The following SUPT3H variants were observed in gnomAD, a reference collection of about 807,000 sequenced individuals.
The protein encoded by SUPT3H is transcription initiation protein SPT3 homolog.
In SUPT3H, 44 loss-of-function variants were observed where a neutral mutation model predicts 44.3. That is an observed-to-expected ratio of 0.99 (90% CI 0.78 to 1.28). The LOEUF (loss-of-function observed/expected upper bound fraction) is 1.28. Among genes scored for constraint, SUPT3H ranks in the 50% most tolerant of loss-of-function variants. The pLI, the probability that SUPT3H is intolerant of heterozygous loss-of-function variation, is 0.00. For synonymous variants in SUPT3H, 124 were observed against 125.6 expected (o/e 0.99, Z 0.09); for missense variants, 380 against 387.1 (o/e 0.98, Z 0.15).
intron 10 of SUPT3H, among the ~76,000 whole-genome samples, chr6:44,850,267 A>G (rs1470103446): frequency 6.6e-6 from 1 of 152,242 alleles, no homozygotes; most frequent in African/African-American, 2.4e-5. Flanking sequence ...TAAATAAAAT[A>G]AACAGAAAAT....
intron 9 of SUPT3H, among the ~76,000 whole-genome samples, chr6:44,949,982 T>C (rs1159249151): frequency 6.6e-6 from 1 of 152,214 alleles, no homozygotes; most frequent in East Asian, 1.9e-4. Flanking sequence ...ACTTGTACAG[T>C]AATATTCATA....
At chr6:45,090,133 A>C (rs1031283806) in intron 3 of SUPT3H, among the ~76,000 whole-genome samples, 2 of 152,142 alleles carry the variant, frequency 1.3e-5, no homozygotes, top group African/African-American at 4.8e-5. Context: ...TAAAATAGGC[A>C]TTCCATTCCT....
intron 2 of SUPT3H, among the ~76,000 whole-genome samples, chr6:45,330,506 TA>T (rs1183282651): frequency 1.3e-5 from 2 of 151,942 alleles, no homozygotes; most frequent in Admixed American, 1.3e-4. Flanking sequence ...AAACACATTT[TA>T]AAAACCAGAT....
chr6:45,344,568 C>T (rs934265230), intron 2 of SUPT3H, among the ~76,000 whole-genome samples: 2 of 151,878 alleles, frequency 1.3e-5, no homozygotes, highest in African/African-American at 4.8e-5. Flanking sequence ...AACTGCTTTA[C>T]GATATGCACA....
intron 2 of SUPT3H, among the ~76,000 whole-genome samples, chr6:45,203,437 ACTAT>A (rs1448603891): frequency 1.3e-5 from 2 of 152,092 alleles, no homozygotes; most frequent in Admixed American, 6.6e-5. Context: ...TGTTATTCAG[ACTAT>A]CTCTCATCTG....
At chr6:45,148,147 T>C (rs1011056429) in intron 2 of SUPT3H, among the ~76,000 whole-genome samples, 6 of 152,148 alleles carry the variant, frequency 3.9e-5, no homozygotes, top group South Asian at 2.1e-4. Context: ...CACAAAAACA[T>C]ACATTTTTAA....
chr6:45,043,834 T>C (rs1406733652), intron 3 of SUPT3H, among the ~76,000 whole-genome samples: 2 of 152,136 alleles, frequency 1.3e-5, no homozygotes, highest in Non-Finnish European at 2.9e-5. Flanking sequence ...ATGGTAGAGA[T>C]TGAAATTCAG....
intron 9 of SUPT3H, among the ~76,000 whole-genome samples, chr6:44,941,419 C>G (rs1455703109): frequency 6.3e-5 from 1 of 15,938 alleles, no homozygotes; most frequent in Non-Finnish European, 1.0e-4. Context: ...AAATTTTTGG[C>G]TGACAGTTTT....
intron 3 of SUPT3H, among the ~76,000 whole-genome samples, chr6:45,105,381 C>A (rs561251629): frequency 6.6e-6 from 1 of 152,112 alleles, no homozygotes; most frequent in East Asian, 1.9e-4. Context: ...AGTTACAGAC[C>A]ACTGCAATAA....
intron 2 of SUPT3H, among the ~76,000 whole-genome samples, chr6:45,152,433 T>C (rs1348716347): frequency 2.0e-5 from 3 of 152,152 alleles, no homozygotes; most frequent in Non-Finnish European, 4.4e-5. Context: ...TCTATCTGGT[T>C]GTCTGCTTTC....
chr6:45,356,990 T>G (rs1793320503), intron 2 of SUPT3H, among the ~76,000 whole-genome samples: 1 of 152,132 alleles, frequency 6.6e-6, no homozygotes, highest in South Asian at 2.1e-4. Flanking sequence ...CTCTGATATA[T>G]TTTTAGTAAT....
intron 2 of SUPT3H, among the ~76,000 whole-genome samples, chr6:45,322,143 T>G (rs1375694947): frequency 6.6e-6 from 1 of 151,960 alleles, no homozygotes; most frequent in Non-Finnish European, 1.5e-5. Flanking sequence ...AAGCTAGTTT[T>G]AGAAAACTAG....
intron 10 of SUPT3H, among the ~76,000 whole-genome samples, chr6:44,895,248 A>C (rs1337896615): frequency 8.2e-6 from 1 of 121,268 alleles, no homozygotes; most frequent in Non-Finnish European, 1.6e-5. Context: ...GTCATCACTT[A>C]GTCTTGTTTT....
chr6:44,991,306 C>T (rs1170506805), intron 6 of SUPT3H, among the ~76,000 whole-genome samples: 2 of 151,852 alleles, frequency 1.3e-5, no homozygotes, highest in Non-Finnish European at 2.9e-5. Flanking sequence ...ATATTAAGTG[C>T]CATAGTGGTG....
intron 2 of SUPT3H, among the ~76,000 whole-genome samples, chr6:45,334,241 A>G (rs1788089458): frequency 6.6e-6 from 1 of 151,186 alleles, no homozygotes; most frequent in African/African-American, 2.4e-5. Flanking sequence ...CATTTCAGTT[A>G]CATCGATTTT....
chr6:45,158,201 GAGAT>G (rs3054762), intron 2 of SUPT3H, among the ~76,000 whole-genome samples: 39,806 of 121,614 alleles, frequency 0.33, 6,713 homozygotes, highest in East Asian at 0.38. Context: ...AGAAACCATA[GAGAT>G]AGATAGATAG....
downstream of SUPT3H, among the ~76,000 whole-genome samples, chr6:44,822,786 A>G (rs1767430882): frequency 6.6e-6 from 1 of 152,206 alleles, no homozygotes; most frequent in Admixed American, 6.5e-5. Context: ...AGATTAAACA[A>G]AGATTTTTAA....
intron 10 of SUPT3H, among the ~76,000 whole-genome samples, chr6:44,915,594 C>G (rs1192078898): frequency 6.6e-6 from 1 of 152,108 alleles, no homozygotes; most frequent in African/African-American, 2.4e-5. Flanking sequence ...CAACACAGAC[C>G]TTAAGTCTGA....
chr6:44,963,217 G>A (rs561204533), intron 6 of SUPT3H, among the ~76,000 whole-genome samples: 8 of 151,820 alleles, frequency 5.3e-5, no homozygotes, highest in African/African-American at 1.9e-4. Context: ...ATCACGTCTC[G>A]GCTGGGTGTG....
Sources: gnomAD v4.1 joint callset for allele counts (sites outside exome capture counted in the v4.1 genomes callset) on GRCh38, gnomAD v4.1.1 for gene constraint, MANE v1.5 for transcripts, NCBI Gene and HGNC (gene_info 2026-07-23, HGNC 2026-07-21) for gene names.